The following OARD1 variants were observed in gnomAD, a reference collection of about 807,000 sequenced individuals.
OARD1 encodes ADP-ribose glycohydrolase OARD1.
OARD1 carries 19 observed loss-of-function variants against 19.7 expected under a neutral mutation model. That is an observed-to-expected ratio of 0.96 (90% confidence interval 0.67 to 1.41). The LOEUF is 1.41. Among genes scored for constraint, OARD1 ranks in the 40% most tolerant of loss-of-function variants. The pLI is 0.00. For synonymous variants in OARD1, 70 were observed against 61.8 expected (o/e 1.13, Z -0.62); for missense variants, 190 against 183.8 (o/e 1.03, Z -0.20).
At chr6:41,078,930 C>T (rs901326189) in intron 1 of OARD1, 3 of 565,116 alleles carry the variant, frequency 5.3e-6, no homozygotes, top group Admixed American at 3.1e-5. Context: ...ATCCTGTTTT[C>T]TTGCAAATAA....
Position 41,091,724 on chromosome 6 carries a change from T to C in OARD1, c.-42+5989A>G, listed in dbSNP as rs765609132. On this transcript the variant is annotated intron_variant, in intron 1 of 4. Transcript: ENST00000480585. ...GAAAATGTATTTTTCAGCTTTGTCT[T>C]TGAAATTTTCTTGAACATGCAACTT... 1.3e-5 allele frequency: 21 copies of C among 1,601,166 alleles called. No homozygotes were observed. In the Admixed American group the frequency reaches 2.9e-4, roughly 22 times the overall value.
intron 1 of OARD1, chr6:41,083,939 C>T: frequency 1.8e-6 from 2 of 1,106,970 alleles, no homozygotes; most frequent in Non-Finnish European, 2.5e-6. Context: ...TCTTTTCTAC[C>T]TTTTCCTTTT....
chr6:41,073,538 A>G (rs1763609973), upstream of OARD1, among the ~76,000 whole-genome samples: 1 of 151,570 alleles, frequency 6.6e-6, no homozygotes, highest in South Asian at 2.1e-4. Context: ...GGCCCTTGGG[A>G]CAGGAAGCCT....
At chr6:41,086,730 A>C (rs544157017) in intron 1 of OARD1, among the ~76,000 whole-genome samples, 2 of 152,316 alleles carry the variant, frequency 1.3e-5, no homozygotes, top group African/African-American at 4.8e-5. Flanking sequence ...AGAGACAGCC[A>C]AGAAATAGAT....
upstream of OARD1, among the ~76,000 whole-genome samples, chr6:41,074,075 C>T (rs749845209): frequency 2.4e-4 from 36 of 152,226 alleles, no homozygotes; most frequent in Non-Finnish European, 1.5e-5. Flanking sequence ...TGTGAAATCT[C>T]CCTCCCTTGG....
chr6:41,073,478 T>C (rs941349650), upstream of OARD1, among the ~76,000 whole-genome samples: 22 of 152,134 alleles, frequency 1.4e-4, no homozygotes, highest in African/African-American at 5.3e-4. Context: ...GATTTCCTCC[T>C]GGTCGTTCTG....
At chr6:41,083,639 AACCACCATC>A (rs1443310046) in intron 1 of OARD1, among the ~76,000 whole-genome samples, 7 of 152,144 alleles carry the variant, frequency 4.6e-5, no homozygotes, top group African/African-American at 1.2e-4. Flanking sequence ...ATTTGTACTC[AACCACCATC>A]ACCACCATCA....
chr6:41,067,181 C>A lies in OARD1; in HGVS notation c.*154G>T. On this transcript the variant is annotated 3_prime_UTR_variant, in exon 6 of 6. Coordinates refer to ENST00000424266, the MANE Select transcript of OARD1 (RefSeq NM_001329686.2). The stretch of plus-strand genomic sequence containing the variant: ...CAAGCCCTCCTCCACAGTCATAATC[C>A]AAATACTTGAATACAGCAACCAAAG... 1 of 485,628 alleles carries A rather than the reference C, an allele frequency of 2.1e-6. No homozygotes were observed. The allele number at this position is 485,628 out of a possible 1,614,324, so 30.1% of individuals were successfully genotyped here.
At chr6:41,069,074 G>A (rs1763183511) in intron 4 of OARD1, 121 bp from the exon 5 acceptor site, 2 of 572,094 alleles carry the variant, frequency 3.5e-6, no homozygotes, top group South Asian at 4.9e-5. Context: ...TTAGTCTAGA[G>A]CAAGGATGAC....
chr6:41,070,466 C>T (rs1763276655), intron 3 of OARD1, among the ~76,000 whole-genome samples: 1 of 152,094 alleles, frequency 6.6e-6, no homozygotes, highest in South Asian at 2.1e-4. Flanking sequence ...TTTTTACTTG[C>T]CAAATGTGTA....
At chr6:41,071,847 C>A (rs1398486409) in intron 1 of OARD1, 172 bp from the exon 2 acceptor site, 2 of 543,980 alleles carry the variant, frequency 3.7e-6, no homozygotes, top group African/African-American at 3.8e-5. Flanking sequence ...AGAGGAAGAA[C>A]GCTTAGGTTC....
Position 41,070,093 on chromosome 6 carries a change from G to T in OARD1, c.226C>A (p.Arg76=). The T allele has an allele frequency of 2.5e-6, 4 of 1,588,786 alleles. No individual in the cohort carries two copies. The highest frequency in any genetic ancestry group is 4.5e-5 in the East Asian group (2 of 44,722). The change falls in exon 4 of 6, where the codon CGA becomes AGA. Residue 76 remains arginine (R), a synonymous_variant. Transcript: ENST00000424266. ...CATCTTACCAAGTAATATATATATC[G>T]CCCATCTCTCTTCAGAACAGCCACT... ...GEVAVLKRDG[R]YIYYLITKKR...
rs1763012063 is a variant in OARD1, at chr6:41,066,432, G to A, written c.*903C>T. The A allele has an allele frequency of 1.3e-5, 2 of 152,182 alleles. No homozygotes were observed. Among genetic ancestry groups the A allele is most frequent in the East Asian group, 1.9e-4 (1 of 5,200 alleles). The allele number at this position is 152,182 out of a possible 1,614,324, so 9.4% of individuals were successfully genotyped here. On this transcript the variant is annotated 3_prime_UTR_variant, in exon 6 of 6. Coordinates refer to ENST00000424266, the MANE Select transcript of OARD1 (RefSeq NM_001329686.2). Reference sequence around the variant, plus strand: ...GACAGGTATGAGAATTTTTTGAGAGGAAGTGGCCTTTATTTTTTTAAAGAA... The same window carrying A: ...GACAGGTATGAGAATTTTTTGAGAGAAAGTGGCCTTTATTTTTTTAAAGAA...
chr6:41,070,579 A>G (rs1317404778), intron 3 of OARD1, among the ~76,000 whole-genome samples: 1 of 152,258 alleles, frequency 6.6e-6, no homozygotes, highest in Non-Finnish European at 1.5e-5. Flanking sequence ...TTTTCAATCC[A>G]GAGAAGATAT....
At chr6:41,067,749 G>A (rs1047522166) in intron 5 of OARD1, among the ~76,000 whole-genome samples, 3 of 152,154 alleles carry the variant, frequency 2.0e-5, no homozygotes, top group African/African-American at 7.2e-5. Context: ...TATGACTACT[G>A]ACTAAAATTG....
chr6:41,091,758 C>G, intron 1 of OARD1: 1 of 1,568,476 alleles, frequency 6.4e-7, no homozygotes, highest in Non-Finnish European at 8.7e-7. Context: ...TTGATGCCTC[C>G]TAAAATTTAT....
At chr6:41,077,843 C>G (rs1343127047) in intron 1 of OARD1, among the ~76,000 whole-genome samples, 1 of 152,174 alleles carries the variant, frequency 6.6e-6, no homozygotes, top group Non-Finnish European at 1.5e-5. Context: ...GCCACAAGTC[C>G]TCTTGCTGTG....
chr6:41,094,349 G>T, intron 1 of OARD1: 2 of 1,523,728 alleles, frequency 1.3e-6, no homozygotes, highest in South Asian at 2.3e-5. Flanking sequence ...TAACTGTGCT[G>T]GTTCTGGATA....
chr6:41,093,230 T>G, intron 1 of OARD1: 1 of 683,064 alleles, frequency 1.5e-6, no homozygotes, highest in Admixed American at 3.3e-5. Flanking sequence ...GAGTTAGCAT[T>G]TGTTATTACT....
Sources: gnomAD v4.1 joint callset for allele counts (sites outside exome capture counted in the v4.1 genomes callset) on GRCh38, gnomAD v4.1.1 for gene constraint, MANE v1.5 for transcripts, NCBI Gene and HGNC (gene_info 2026-07-23, HGNC 2026-07-21) for gene names.